The following SORD variants were observed in gnomAD, a reference collection of about 807,000 sequenced individuals.
The protein encoded by SORD is (R,R)-butanediol dehydrogenase.
In SORD, 18 loss-of-function variants were observed where a neutral mutation model predicts 35.6. That is an observed-to-expected ratio of 0.51 (90% CI 0.35 to 0.75). The LOEUF (loss-of-function observed/expected upper bound fraction) is 0.75, where lower values mean the gene tolerates loss of function less well. Among genes scored for constraint, SORD ranks in the 30% least tolerant of loss-of-function variants. SORD has a pLI of 0.01. For synonymous variants in SORD, 106 were observed against 152.9 expected (o/e 0.69, Z 2.26); for missense variants, 250 against 390.2 (o/e 0.64, Z 3.03).
chr15:45,065,214 C>G (rs1893385358), intron 4 of SORD, 57 bp from the exon 5 acceptor site: 1 of 1,338,592 alleles, frequency 7.5e-7, no homozygotes, highest in African/African-American at 1.4e-5. Flanking sequence ...ATATATAATA[C>G]TATTGTTAGC....
Position 45,047,909 on chromosome 15 carries a change from G to A in SORD, c.265+4488G>A, listed in dbSNP as rs548546392. On this transcript the variant is annotated intron_variant, in intron 3 of 8. Coordinates refer to ENST00000267814, the MANE Select transcript of SORD (RefSeq NM_003104.6). ...ATTCGCTGGTATGGGTCACTCCCCA[G>A]ATTCAGACGGAGTTTAAATCCAATT... Among the ~76,000 whole-genome samples the A allele has an allele frequency of 1.1e-4, 17 of 152,362 alleles. No homozygotes were observed. In the East Asian group the frequency reaches 2.3e-3, roughly 21 times the overall value.
At chr15:45,061,917 T>C (rs1215511812) in intron 4 of SORD, among the ~76,000 whole-genome samples, 1 of 152,088 alleles carries the variant, frequency 6.6e-6, no homozygotes, top group Non-Finnish European at 1.5e-5. Flanking sequence ...CAACACACCA[T>C]GACAGCAACG....
chr15:45,028,707 T>C (rs1417401773), intron 1 of SORD, among the ~76,000 whole-genome samples: 2 of 152,146 alleles, frequency 1.3e-5, no homozygotes, highest in Non-Finnish European at 2.9e-5. Context: ...CATGAAGATA[T>C]TTCTTGAGTT....
At chr15:45,068,126 G>A (rs1893436604) in intron 5 of SORD, 55 bp from the exon 6 acceptor site, 5 of 1,346,166 alleles carry the variant, frequency 3.7e-6, no homozygotes, top group Non-Finnish European at 5.3e-6. Flanking sequence ...CTGGACAAGT[G>A]GGAGAGCAGA....
At chr15:45,023,991 A>C (rs1892631786) in intron 1 of SORD, among the ~76,000 whole-genome samples, 1 of 152,036 alleles carries the variant, frequency 6.6e-6, no homozygotes, top group Non-Finnish European at 1.5e-5. Context: ...TTCTCTCCCT[A>C]AGACCCTGTC....
intron 1 of SORD, among the ~76,000 whole-genome samples, chr15:45,031,954 C>T (rs796104252): frequency 8.8e-6 from 1 of 113,516 alleles, no homozygotes. Context: ...TTAAATGTGG[C>T]ATATAGATAT....
intron 3 of SORD, among the ~76,000 whole-genome samples, chr15:45,055,476 T>G (rs891503091): frequency 2.0e-4 from 30 of 152,198 alleles, no homozygotes; most frequent in African/African-American, 7.0e-4. Flanking sequence ...AATAACAGGC[T>G]CTGAAATTGT....
chr15:45,024,582 T>A (rs1335595467), intron 1 of SORD, among the ~76,000 whole-genome samples: 1 of 152,080 alleles, frequency 6.6e-6, no homozygotes, highest in Non-Finnish European at 1.5e-5. Context: ...CTTTGGAGCC[T>A]CCACCCAAGG....
At chr15:45,040,323 A>G in intron 1 of SORD, 85 bp from the exon 2 acceptor site, 1 of 898,508 alleles carries the variant, frequency 1.1e-6, no homozygotes, top group Non-Finnish European at 1.8e-6. Flanking sequence ...CTATTGATGA[A>G]ACTCTAATTG....
At chr15:45,046,431 A>C (rs556983765) in intron 3 of SORD, among the ~76,000 whole-genome samples, 1,971 of 152,142 alleles carry the variant, frequency 0.013, 50 homozygotes, top group African/African-American at 0.045. Context: ...TTAATAGAGA[A>C]TGGGTTTCAC....
At chr15:45,066,244 C>CAAA (rs36027648) in intron 5 of SORD, among the ~76,000 whole-genome samples, 4 of 68,968 alleles carry the variant, frequency 5.8e-5, no homozygotes, top group Admixed American at 1.7e-4. Flanking sequence ...GATTCTGTCT[C>CAAA]AAAAAAAAAA....
intron 4 of SORD, among the ~76,000 whole-genome samples, chr15:45,062,377 C>T (rs1893331415): frequency 6.6e-6 from 1 of 152,236 alleles, no homozygotes; most frequent in Non-Finnish European, 1.5e-5. Flanking sequence ...TGCGTGGCCC[C>T]CCATGGCCCC....
Position 45,062,206 on chromosome 15 carries a change from G to C in SORD, c.425+980G>C, listed in dbSNP as rs564634681. Among the ~76,000 whole-genome samples, 5 of 152,350 alleles carry C rather than the reference G, an allele frequency of 3.3e-5. No individual in the cohort carries two copies. The East Asian group carries it at 9.6e-4, about 29-fold the overall frequency. On this transcript the variant is annotated intron_variant, in intron 4 of 8. Transcript: ENST00000267814. ...CACCGTTATTGGGTTAACCAAGGCA[G>C]AAGGAAGCTCATTGACTTGGGCACA...
rs780207200 is a variant in SORD, at chr15:45,068,998, G to A, written c.732G>A (p.Pro244=). The stretch of plus-strand genomic sequence containing the variant: ...TAGAAGGTCAGCTGGGGTGCAAGCC[G>A]GAAGTCACCATCGAGTGCACGGGGG... ...RKVEGQLGCK[P]EVTIECTGAE... The change falls in exon 7 of 9, where the codon CCG becomes CCA. Residue 244 remains proline (P), a synonymous_variant. Coordinates refer to ENST00000267814, the MANE Select transcript of SORD (RefSeq NM_003104.6). 4.2e-5 allele frequency: 67 copies of A among 1,611,188 alleles called. No homozygotes were observed. Among genetic ancestry groups the A allele is most frequent in the Non-Finnish European group, 5.0e-5 (59 of 1,179,290 alleles).
chr15:45,064,912 C>G (rs1408435532), intron 4 of SORD, among the ~76,000 whole-genome samples: 1 of 152,108 alleles, frequency 6.6e-6, no homozygotes, highest in African/African-American at 2.4e-5. Flanking sequence ...CAAAGAAAAC[C>G]ATGTTGCCTT....
intron 3 of SORD, chr15:45,058,417 G>A (rs1249804555): frequency 6.6e-6 from 1 of 152,116 alleles, no homozygotes; most frequent in Non-Finnish European, 1.5e-5. Context: ...TTACAGATCT[G>A]GTGGCTGCAC....
chr15:45,060,858 A>T, intron 3 of SORD: 2 of 1,080,914 alleles, frequency 1.9e-6, no homozygotes, highest in Non-Finnish European at 2.5e-6. Flanking sequence ...AAGTTTCCTC[A>T]CTTGCCTAGG....
At chr15:45,046,739 C>G (rs188311964) in intron 3 of SORD, among the ~76,000 whole-genome samples, 2 of 152,104 alleles carry the variant, frequency 1.3e-5, no homozygotes, top group Non-Finnish European at 2.9e-5. Flanking sequence ...ATAAGTCAGC[C>G]GGGCATAATA....
intron 1 of SORD, among the ~76,000 whole-genome samples, chr15:45,026,503 T>C (rs1201124798): frequency 2.0e-5 from 3 of 152,134 alleles, no homozygotes; most frequent in African/African-American, 7.2e-5. Context: ...AACCCTTCCA[T>C]TTCTGGCTGG....
Sources: gnomAD v4.1 joint callset for allele counts (sites outside exome capture counted in the v4.1 genomes callset) on GRCh38, gnomAD v4.1.1 for gene constraint, MANE v1.5 for transcripts, NCBI Gene and HGNC (gene_info 2026-07-23, HGNC 2026-07-21) for gene names.